The following CASZ1 variants were observed in gnomAD, a reference collection of about 807,000 sequenced individuals.
The protein encoded by CASZ1 is castor zinc finger 1.
In CASZ1, 28 loss-of-function variants were observed where a neutral mutation model predicts 135.2. That is an observed-to-expected ratio of 0.21 (90% CI 0.15 to 0.28). The LOEUF (loss-of-function observed/expected upper bound fraction) is 0.28, where lower values mean the gene tolerates loss of function less well. Among genes scored for constraint, CASZ1 ranks in the 10% least tolerant of loss-of-function variants. CASZ1 has a pLI of 1.00. For missense variants in CASZ1, 2,161 were observed against 2,453.3 expected, an observed-to-expected ratio of 0.88 and a Z score of 2.52; for synonymous variants, 1,068 against 1,073.4, an observed-to-expected ratio of 0.99 and a Z score of 0.10.
chr1:10,729,241 C>T (rs1639654045), intron 2 of CASZ1, among the ~76,000 whole-genome samples: 1 of 152,086 alleles, frequency 6.6e-6, no homozygotes, highest in Admixed American at 6.5e-5. Context: ...GACAGGCCTG[C>T]GCTGGCGCTA....
intron 4 of CASZ1, among the ~76,000 whole-genome samples, chr1:10,682,587 C>CG (rs1638460820): frequency 6.6e-6 from 1 of 152,120 alleles, no homozygotes; most frequent in Non-Finnish European, 1.5e-5. Flanking sequence ...TTGGCTTTGC[C>CG]GGGACTGAGA....
At chr1:10,691,039 A>G (rs1313194215) in intron 4 of CASZ1, among the ~76,000 whole-genome samples, 2 of 149,260 alleles carry the variant, frequency 1.3e-5, no homozygotes, top group East Asian at 2.0e-4. Flanking sequence ...ATCACTCTAA[A>G]AGGGCCTAAT....
At chr1:10,642,803 T>G in intron 20 of CASZ1, 56 bp downstream of exon 20, 1 of 1,588,462 alleles carries the variant, frequency 6.3e-7, no homozygotes, top group African/African-American at 1.3e-5. Context: ...CACCCAGCGG[T>G]GCTGGGCTTT....
At chr1:10,743,509 G>A (rs2100537591) in intron 2 of CASZ1, among the ~76,000 whole-genome samples, 1 of 152,038 alleles carries the variant, frequency 6.6e-6, no homozygotes, top group East Asian at 1.9e-4. Context: ...CAGGGGGATG[G>A]GCTGGGGGCC....
Position 10,689,309 on chromosome 1 carries a change from A to C in CASZ1, c.16+4565T>G, listed in dbSNP as rs376255337. On this transcript the variant is annotated intron_variant, in intron 4 of 20. Transcript: ENST00000377022. Reference sequence around the variant, plus strand: ...AGCCAGGGCAGCCACTTTCACGAGGAGATGCCGCTGCGTGGCTTAGCCCTC... The same window carrying C: ...AGCCAGGGCAGCCACTTTCACGAGGCGATGCCGCTGCGTGGCTTAGCCCTC... Among the ~76,000 whole-genome samples the C allele has an allele frequency of 3.9e-5, 6 of 152,320 alleles. No homozygotes were observed. The East Asian group carries it at 5.8e-4, about 15-fold the overall frequency.
At position 10,727,672 on chromosome 1, in the gene CASZ1, G is replaced by T. The variant is rs1231801863; in HGVS notation, c.-76-22128C>A. 1.3e-5 allele frequency among the ~76,000 whole-genome samples: 2 copies of T among 152,188 alleles called. No individual in the cohort carries two copies. The highest frequency in any genetic ancestry group is 3.9e-4 in the East Asian group (2 of 5,186). On this transcript the variant is annotated intron_variant, in intron 2 of 20. Coordinates refer to ENST00000377022, the MANE Select transcript of CASZ1 (RefSeq NM_001079843.3). This position sits in a 1 kb window ranked among gnomAD's most constrained non-coding sequence, Gnocchi z 5.3. The stretch of plus-strand genomic sequence containing the variant: ...TTCCCACCATGTCCAGGAAGAAAAA[G>T]TGTCTGCACCCTAGGGTTCAGGGTG...
At chr1:10,671,267 G>A (rs1643388667) in intron 4 of CASZ1, among the ~76,000 whole-genome samples, 1 of 152,180 alleles carries the variant, frequency 6.6e-6, no homozygotes, top group Non-Finnish European at 1.5e-5. Flanking sequence ...TTACCACCCA[G>A]GGGAGATTTA....
chr1:10,750,543 C>T (rs1182030337), intron 2 of CASZ1, among the ~76,000 whole-genome samples: 1 of 152,110 alleles, frequency 6.6e-6, no homozygotes, highest in African/African-American at 2.4e-5. Flanking sequence ...GCTGGGATTA[C>T]AGGCGTGAGC....
chr1:10,781,909 G>A (rs1368995161), intron 1 of CASZ1, among the ~76,000 whole-genome samples: 1 of 152,298 alleles, frequency 6.6e-6, no homozygotes, highest in East Asian at 1.9e-4. Flanking sequence ...GAGAGACTAG[G>A]GATTTGAGCC....
At position 10,707,891 on chromosome 1, in the gene CASZ1, TG is replaced by T. The variant is rs1448653137; in HGVS notation, c.-76-2348del. On this transcript the variant is annotated intron_variant, in intron 2 of 20. Transcript: ENST00000377022. This position sits in a 1 kb window ranked among gnomAD's most constrained non-coding sequence, Gnocchi z 5.0. ...CAAGGCCGGGGGAGAGGCACAGTAC[TG>T]GGAAGACCCAGAGGACAGCAGGGGC... is the stretch of plus-strand genomic sequence containing the variant. Among the ~76,000 whole-genome samples, 1 of 152,044 alleles carries T rather than the reference TG, an allele frequency of 6.6e-6. No individual in the cohort carries two copies. Among genetic ancestry groups the T allele is most frequent in the Admixed American group, 6.6e-5 (1 of 15,260 alleles).
At chr1:10,688,622 G>A (rs779370433) in intron 4 of CASZ1, among the ~76,000 whole-genome samples, 4 of 152,146 alleles carry the variant, frequency 2.6e-5, no homozygotes, top group East Asian at 1.9e-4. Context: ...ACAGGGGCCC[G>A]GGCAGTCCTC....
intron 2 of CASZ1, among the ~76,000 whole-genome samples, chr1:10,744,842 G>A (rs1640009640): frequency 1.3e-5 from 2 of 152,170 alleles, no homozygotes; most frequent in African/African-American, 4.8e-5. Flanking sequence ...GCACGCAGGA[G>A]AGCCGTGACC....
chr1:10,686,324 T>G (rs773580523), intron 4 of CASZ1, among the ~76,000 whole-genome samples: 1 of 152,148 alleles, frequency 6.6e-6, no homozygotes, highest in Non-Finnish European at 1.5e-5. Flanking sequence ...CTCAAACCAA[T>G]GTCAGAAATC....
rs879420069 is a variant in CASZ1, at chr1:10,767,054, T to C, written c.-233-6197A>G. 9.9e-5 allele frequency among the ~76,000 whole-genome samples: 15 copies of C among 152,112 alleles called. No homozygotes were observed. Among genetic ancestry groups the C allele is most frequent in the Admixed American group, 8.5e-4 (13 of 15,268 alleles). ...GGACCTAGACTCGCTCTTCCCAAACTTCAGAAGGAAAACAGAAATCCTCTG... is the reference window on the plus strand; with the variant it reads ...GGACCTAGACTCGCTCTTCCCAAACCTCAGAAGGAAAACAGAAATCCTCTG... On this transcript the variant is annotated intron_variant, in intron 1 of 20. Coordinates refer to ENST00000377022, the MANE Select transcript of CASZ1 (RefSeq NM_001079843.3). This position sits in a 1 kb window ranked among gnomAD's most constrained non-coding sequence, Gnocchi z 4.2.
In CASZ1 at chr1:10,697,818, C is replaced by G. The variant is rs1159165274; in HGVS notation, c.-23-3906G>C. Among the ~76,000 whole-genome samples the G allele has an allele frequency of 6.6e-6, 1 of 152,254 alleles. No homozygotes were observed. The highest frequency in any genetic ancestry group is 1.9e-4 in the East Asian group (1 of 5,200). ...AGGCGACTGGGCCAGGGCACAGAAG[C>G]CTTGGCCAAAGGACTGCGTGTGCCT... On this transcript the variant is annotated intron_variant, in intron 3 of 20. Coordinates refer to ENST00000377022, the MANE Select transcript of CASZ1 (RefSeq NM_001079843.3). The surrounding 1 kb of genome is among the most constrained non-coding windows in gnomAD (Gnocchi z 4.7).
chr1:10,662,894 G>T (rs776643676), intron 5 of CASZ1, among the ~76,000 whole-genome samples: 31 of 152,164 alleles, frequency 2.0e-4, no homozygotes, highest in Admixed American at 3.9e-4. Flanking sequence ...TCAGTCCCAG[G>T]CTAATTCTGA....
At chr1:10,682,025 C>T (rs770645370) in intron 4 of CASZ1, among the ~76,000 whole-genome samples, 2 of 152,152 alleles carry the variant, frequency 1.3e-5, no homozygotes, top group Admixed American at 6.5e-5. Context: ...CAGTGAAGTG[C>T]GACTCTCTCC....
chr1:10,653,931 A>G lies in CASZ1; in HGVS notation c.2126T>C (p.Leu709Pro). The change falls in exon 11 of 21, where the codon CTG (leucine) becomes CCG (proline). Residue 709 changes from leucine to proline, a missense_variant. Transcript: ENST00000377022. ...GTGCTCCGTGTCCTTGGCGCCCAGC[A>G]GCGAGGGCGGCAGCCCCAGCGCGCC... Reference protein sequence around the residue: ...SSGALGLPPSLLGAKDTEHEE... With the variant: ...SSGALGLPPSPLGAKDTEHEE... 6 of 1,613,568 alleles carry G rather than the reference A, an allele frequency of 3.7e-6. No homozygotes were observed. The highest frequency in any genetic ancestry group is 5.1e-6 in the Non-Finnish European group (6 of 1,179,732).
chr1:10,682,794 C>T (rs193289732), intron 4 of CASZ1, among the ~76,000 whole-genome samples: 1 of 152,322 alleles, frequency 6.6e-6, no homozygotes, highest in East Asian at 1.9e-4. Context: ...CCCGAGGAGC[C>T]CCAAAGTGAT....
Sources: allele counts gnomAD v4.1 joint callset (sites outside exome capture counted in the v4.1 genomes callset), GRCh38; gene constraint gnomAD v4.1.1; non-coding constraint Gnocchi (gnomAD v3.1); transcripts MANE v1.5; gene names NCBI Gene and HGNC (gene_info 2026-07-23, HGNC 2026-07-21).